The following PRPF3 variants were observed in gnomAD, a reference collection of about 807,000 sequenced individuals.
The protein encoded by PRPF3 is pre-mRNA processing factor 3, also known as U4/U6 small nuclear ribonucleoprotein Prp3.
In PRPF3, 3 loss-of-function variants were observed where a neutral mutation model predicts 89.2. That is an observed-to-expected ratio of 0.03 (90% confidence interval 0.02 to 0.09). PRPF3 has a LOEUF of 0.09. Among genes scored for constraint, PRPF3 ranks in the 10% least tolerant of loss-of-function variants. The pLI, the probability that PRPF3 is intolerant of heterozygous loss-of-function variation, is 1.00. For synonymous variants in PRPF3, 270 were observed against 289.1 expected (o/e 0.93, Z 0.67); for missense variants, 463 against 828.8 (o/e 0.56, Z 5.42).
At position 150,335,322 on chromosome 1, in the gene PRPF3, AG is replaced by A. The variant is rs1315665071; in HGVS notation, c.1035+83del. The stretch of plus-strand genomic sequence containing the variant: ...AAACATTGTTAAATCTCTGTGTTCT[AG>A]GAAATTAGATAAATAGGTCATTTAA... On this transcript the variant is annotated intron_variant, in intron 7 of 15. Transcript: ENST00000324862. 19 of 1,488,966 alleles carry A rather than the reference AG, an allele frequency of 1.3e-5. No individual in the cohort carries two copies. In the South Asian group the frequency reaches 2.2e-4, roughly 17 times the overall value. The allele number at this position is 1,488,966 out of a possible 1,614,324, so 92.2% of individuals were successfully genotyped here.
intron 7 of PRPF3, among the ~76,000 whole-genome samples, chr1:150,337,305 C>T (rs1470134319): frequency 1.3e-5 from 2 of 151,854 alleles, no homozygotes; most frequent in African/African-American, 4.8e-5. Context: ...TCTCAAAGTG[C>T]TGGGATTACA....
At position 150,338,232 on chromosome 1, in the gene PRPF3, C is replaced by T; in HGVS notation, c.1108C>T (p.Leu370Phe). The change falls in exon 8 of 16, where the codon CTT becomes TTT. Residue 370 changes from leucine (L) to phenylalanine (F), a missense_variant. This residue lies in a region of PRPF3 where 261 missense variants were observed against 475.8 expected (regional missense o/e 0.55). Transcript: ENST00000324862. Reference protein sequence around the residue: ...RKTGIHTSTRLALIAPKKELK... With the variant: ...RKTGIHTSTRFALIAPKKELK... ...AACAGGCATCCATACTTCGACTAGG[C>T]TTGCCCTCATTGCTCCTAAGAAGGA... 6.2e-7 allele frequency: 1 copy of T among 1,614,064 alleles called. No homozygotes were observed. Among genetic ancestry groups the T allele is most frequent in the African/African-American group, 1.3e-5 (1 of 75,040 alleles).
At chr1:150,328,912 C>G (rs587702235) in intron 4 of PRPF3, among the ~76,000 whole-genome samples, 1 of 152,122 alleles carries the variant, frequency 6.6e-6, no homozygotes, top group Admixed American at 6.5e-5. Flanking sequence ...GGCTGGTCTT[C>G]AACTTCTGAC....
At chr1:150,335,920 C>T (rs111463266) in intron 7 of PRPF3, among the ~76,000 whole-genome samples, 81 of 152,114 alleles carry the variant, frequency 5.3e-4, no homozygotes, top group Middle Eastern at 3.4e-3. Context: ...AGGCATGCGC[C>T]GCCATGCCTG....
intron 15 of PRPF3, among the ~76,000 whole-genome samples, chr1:150,351,288 G>A (rs1250865565): frequency 6.6e-6 from 1 of 151,940 alleles, no homozygotes; most frequent in African/African-American, 2.4e-5. Context: ...CTTCCTATTC[G>A]CTGATCTCTT....
intron 15 of PRPF3, among the ~76,000 whole-genome samples, chr1:150,352,006 C>T (rs1398052280): frequency 6.6e-6 from 1 of 152,142 alleles, no homozygotes; most frequent in African/African-American, 2.4e-5. Flanking sequence ...ACTCCCTGAA[C>T]GCCTCTTGAG....
intron 7 of PRPF3, 86 bp from the exon 8 acceptor site, chr1:150,338,074 C>CAAA (rs34911220): frequency 3.9e-3 from 4,671 of 1,200,092 alleles, no homozygotes; most frequent in Middle Eastern, 4.9e-3. Flanking sequence ...AACTCCGTCT[C>CAAA]AAAAAAAAAA....
Position 150,340,386 on chromosome 1 carries a change from C to T in PRPF3, c.1203-12C>T. ...CCGCATATCGTGTTTTCTTTTCTTCCTACAATTTTAGTACAGAGGAAAATC... is the reference window on the plus strand; with the variant it reads ...CCGCATATCGTGTTTTCTTTTCTTCTTACAATTTTAGTACAGAGGAAAATC... On this transcript the variant is annotated splice_polypyrimidine_tract_variant and intron_variant, in intron 8 of 15. Transcript: ENST00000324862. The T allele has an allele frequency of 5.1e-6, 8 of 1,563,844 alleles. No homozygotes were observed. The highest frequency in any genetic ancestry group is 2.2e-5 in the East Asian group (1 of 44,600).
At chr1:150,341,400 A>AT (rs1169772517) in intron 9 of PRPF3, among the ~76,000 whole-genome samples, 22,888 of 101,886 alleles carry the variant, frequency 0.22, 3,251 homozygotes, top group Admixed American at 0.35. Context: ...AGTTGCTTCT[A>AT]TTTTTTTTTT....
intron 4 of PRPF3, among the ~76,000 whole-genome samples, chr1:150,329,009 T>G (rs1376216056): frequency 6.8e-6 from 1 of 148,030 alleles, no homozygotes; most frequent in Non-Finnish European, 1.5e-5. Context: ...GATCTTGATT[T>G]GAATTAGTGT....
At position 150,328,442 on chromosome 1, in the gene PRPF3, C is replaced by T. The variant is rs782269340; in HGVS notation, c.399C>T (p.Ser133=). Residue 133 remains serine (S), a synonymous_variant, in exon 4 of 16, where the codon AGC becomes AGT. Coordinates refer to ENST00000324862, the MANE Select transcript of PRPF3 (RefSeq NM_004698.4). Reference sequence around the variant, plus strand: ...TGATCCCTGGGCCTCCATCAGAGAGCCCTGGCATGCTGACTAAGCTCCAGG... The same window carrying T: ...TGATCCCTGGGCCTCCATCAGAGAGTCCTGGCATGCTGACTAAGCTCCAGG... ...PEVIPGPPSE[S]PGMLTKLQIK... 3.7e-6 allele frequency: 6 copies of T among 1,613,444 alleles called. No homozygotes were observed. Among genetic ancestry groups the T allele is most frequent in the Middle Eastern group, 3.3e-4 (2 of 6,070 alleles).
At chr1:150,350,969 A>T (rs1375023402) in intron 15 of PRPF3, among the ~76,000 whole-genome samples, 1 of 151,620 alleles carries the variant, frequency 6.6e-6, no homozygotes, top group African/African-American at 2.4e-5. Flanking sequence ...TTAAAAAAAA[A>T]AAAGAAAAAG....
intron 4 of PRPF3, among the ~76,000 whole-genome samples, chr1:150,329,103 C>T (rs1553864729): frequency 6.7e-6 from 1 of 149,958 alleles, no homozygotes; most frequent in African/African-American, 2.5e-5. Context: ...GATCTCAGCT[C>T]ACGGCAACCT....
rs781794662 is a variant in PRPF3 at position 150,324,896 on chromosome 1, T to A, written c.-47T>A. ...AACTTGTCTCTTTTTTTTTTTTAGG[T>A]GTAGTATTGAGTCCTGTTTGAGCTA... On this transcript the variant is annotated splice_region_variant and 5_prime_UTR_variant, in exon 2 of 16. Coordinates refer to ENST00000324862, the MANE Select transcript of PRPF3 (RefSeq NM_004698.4). 6.6e-7 allele frequency: 1 copy of A among 1,519,242 alleles called. No homozygotes were observed. Among genetic ancestry groups the A allele is most frequent in the South Asian group, 1.1e-5 (1 of 88,544 alleles). The allele number at this position is 1,519,242 out of a possible 1,614,324, so 94.1% of individuals were successfully genotyped here. A position where few individuals can be genotyped will look rare whatever the true frequency, so the allele number is the denominator to read the frequency against.
chr1:150,343,435 C>T lies in PRPF3; in HGVS notation c.1409C>T (p.Pro470Leu), dbSNP rs781806543. ...LQEKVRLGLM[P>L]PPEPKVRISN... ...GAAAAAGTCAGGCTGGGCCTGATGC[C>T]TCCTCCAGAACCCAAAGGTGCATTT... is the stretch of plus-strand genomic sequence containing the variant. Residue 470 changes from proline (P) to leucine (L), a missense_variant, in exon 10 of 16, where the codon CCT (proline) becomes CTT (leucine). Transcript: ENST00000324862. 6.8e-6 allele frequency: 11 copies of T among 1,613,792 alleles called. No individual in the cohort carries two copies. The highest frequency in any genetic ancestry group is 9.3e-6 in the Non-Finnish European group (11 of 1,179,818).
At chr1:150,326,650 T>C (rs1247350244) in intron 3 of PRPF3, among the ~76,000 whole-genome samples, 1 of 149,268 alleles carries the variant, frequency 6.7e-6, no homozygotes, top group East Asian at 2.0e-4. Flanking sequence ...GAATAAGTAA[T>C]GTCTGCTTGG....
intron 8 of PRPF3, among the ~76,000 whole-genome samples, chr1:150,338,745 C>T (rs1233047503): frequency 6.6e-6 from 1 of 152,148 alleles, no homozygotes; most frequent in African/African-American, 2.4e-5. Flanking sequence ...GAACTCCTGA[C>T]CTCAGGTGAT....
At chr1:150,333,393 C>A (rs905390439) in intron 6 of PRPF3, among the ~76,000 whole-genome samples, 194 bp downstream of exon 6, 1 of 151,966 alleles carries the variant, frequency 6.6e-6, no homozygotes, top group Admixed American at 6.6e-5. Context: ...ATGGTGAAAA[C>A]CCATCTCTAC....
At chr1:150,348,590 T>G (rs1694364) in intron 14 of PRPF3, 83,066 of 152,890 alleles carry the variant, frequency 0.54, 23,432 homozygotes, top group Non-Finnish European at 0.62. Flanking sequence ...GGCCTCCTGA[T>G]AAGCTCGGAT....
Sources: allele counts gnomAD v4.1 joint callset (sites outside exome capture counted in the v4.1 genomes callset), GRCh38; gene constraint gnomAD v4.1.1; regional missense constraint gnomAD v4.1.1; transcripts MANE v1.5; gene names NCBI Gene and HGNC (gene_info 2026-07-23, HGNC 2026-07-21).